The following TRPV4 variants were observed in gnomAD, a reference collection of about 807,000 sequenced individuals.
TRPV4 encodes OSM9-like transient receptor potential channel 4.
TRPV4 carries 58 observed loss-of-function variants against 84.1 expected under a neutral mutation model. The ratio of observed to expected loss-of-function variants is 0.69; its 90% CI spans 0.56 to 0.86. The LOEUF (loss-of-function observed/expected upper bound fraction) is 0.86, where lower values mean the gene tolerates loss of function less well. Among genes scored for constraint, TRPV4 ranks in the 40% least tolerant of loss-of-function variants. The pLI is 0.00. For synonymous variants in TRPV4, 489 were observed against 500.9 expected (o/e 0.98, Z 0.32); for missense variants, 879 against 1,181.1 (o/e 0.74, Z 3.75).
At position 109,814,467 on chromosome 12, in the gene TRPV4, G is replaced by T; in HGVS notation, c.330C>A (p.Tyr110Ter). ...KKAPMDSLFD[Y>*]GTYRHHSSDN... ...CACTGGAGTGGTGACGATAGGTGCC[G>T]TAGTCAAACAGTGAGTCCATGGGTG... is the stretch of plus-strand genomic sequence containing the variant. Residue 110 changes from tyrosine to a stop codon, truncating the protein, a stop_gained, in exon 2 of 16, where the codon TAC becomes TAA. Coordinates refer to ENST00000261740, the MANE Select transcript of TRPV4 (RefSeq NM_021625.5). LOFTEE classifies it high-confidence loss of function. The surrounding 1 kb of genome is among the most constrained non-coding windows in gnomAD (Gnocchi z 5.4). 1 of 1,614,138 alleles carries T rather than the reference G, an allele frequency of 6.2e-7. No individual in the cohort carries two copies. The highest frequency in any genetic ancestry group is 1.1e-5 in the South Asian group (1 of 91,076).
Position 109,786,700 on chromosome 12 carries a change from C to G in TRPV4, c.2336+10G>C, listed in dbSNP as rs746178717. Reference sequence around the variant, plus strand: ...GCCCTGCCATCCTGGCCCCACTGCCCCAGCCTCACCTGAAGCACCACCTGC... The same window carrying G: ...GCCCTGCCATCCTGGCCCCACTGCCGCAGCCTCACCTGAAGCACCACCTGC... On this transcript the variant is annotated intron_variant, in intron 14 of 15. Coordinates refer to ENST00000261740, the MANE Select transcript of TRPV4 (RefSeq NM_021625.5). The surrounding 1 kb of genome is among the most constrained non-coding windows in gnomAD (Gnocchi z 4.5). 1.9e-6 allele frequency: 3 copies of G among 1,613,556 alleles called. No homozygotes were observed. The highest frequency in any genetic ancestry group is 2.5e-6 in the Non-Finnish European group (3 of 1,180,000).
chr12:109,803,103 C>T lies in TRPV4; in HGVS notation c.600G>A (p.Leu200=). 1 of 1,614,176 alleles carries T rather than the reference C, an allele frequency of 6.2e-7. No individual in the cohort carries two copies. Among genetic ancestry groups the T allele is most frequent in the Non-Finnish European group, 8.5e-7 (1 of 1,180,040 alleles). ...TGTCGTTGCGGCCATTGCTCAGGTT[C>T]AGCAAGGCCTTGGGCAGGCAGGTCT... is the stretch of plus-strand genomic sequence containing the variant. ...TGKTCLPKAL[L]NLSNGRNDTI... Residue 200 remains leucine, a synonymous_variant, in exon 4 of 16, where the codon CTG becomes CTA. Coordinates refer to ENST00000261740, the MANE Select transcript of TRPV4 (RefSeq NM_021625.5).
intron 12 of TRPV4, 118 bp downstream of exon 12, chr12:109,792,242 TCAA>T: frequency 1.5e-6 from 1 of 648,390 alleles, no homozygotes; most frequent in Non-Finnish European, 2.4e-6. Flanking sequence ...AAACTCCACC[TCAA>T]AAAAAAAAAA....
intron 12 of TRPV4, among the ~76,000 whole-genome samples, chr12:109,792,115 A>C (rs912846202): frequency 1.3e-5 from 2 of 151,642 alleles, no homozygotes; most frequent in African/African-American, 4.8e-5. Flanking sequence ...GCGTGGTGGC[A>C]GGAGCCCGTA....
chr12:109,788,443 A>C lies in TRPV4; in HGVS notation c.2165T>G (p.Val722Gly). The C allele has an allele frequency of 6.2e-7, 1 of 1,614,220 alleles. No homozygotes were observed. The highest frequency in any genetic ancestry group is 8.5e-7 in the Non-Finnish European group (1 of 1,180,042). ...CTTGCTCTCCTTGGAGACCTGGCCC[A>C]CTGTCTCGCCCATGAGGGCAATGAG... ...NMLIALMGET[V>G]GQVSKESKHI... Residue 722 changes from valine to glycine, a missense_variant, in exon 13 of 16, where the codon GTG becomes GGG. This residue lies in a region of TRPV4 where 242 missense variants were observed against 355.3 expected (regional missense o/e 0.68). Transcript: ENST00000261740.
chr12:109,800,515 G>C, intron 5 of TRPV4, 103 bp downstream of exon 5: 1 of 1,457,752 alleles, frequency 6.9e-7, no homozygotes, highest in Non-Finnish European at 9.4e-7. Context: ...AGTGGCCCTG[G>C]GTGTCTGGGT....
chr12:109,823,615 G>C (rs1892170702), intron 1 of TRPV4, among the ~76,000 whole-genome samples: 1 of 152,226 alleles, frequency 6.6e-6, no homozygotes, highest in African/African-American at 2.4e-5. Context: ...CAAATCCACA[G>C]AGACAGAAAG....
chr12:109,808,519 C>A (rs1447370210), intron 2 of TRPV4, 51 bp from the exon 3 acceptor site: 3 of 1,568,024 alleles, frequency 1.9e-6, no homozygotes, highest in Non-Finnish European at 2.6e-6. Context: ...CCCTGCCTGC[C>A]CCACTGTCCC....
intron 1 of TRPV4, among the ~76,000 whole-genome samples, chr12:109,818,578 C>T (rs1479021215): frequency 6.6e-6 from 1 of 151,892 alleles, no homozygotes; most frequent in Non-Finnish European, 1.5e-5. Flanking sequence ...ATGATTACTG[C>T]CGCCCATTCT....
At position 109,792,828 on chromosome 12, in the gene TRPV4, G is replaced by A. The variant is rs1020641928; in HGVS notation, c.1659-11C>T. ...ACAGAGTAGATGAAGCTGCAGTGCA[G>A]CAGAGACCACAAGAGAGGCCAGAGG... On this transcript the variant is annotated splice_polypyrimidine_tract_variant and intron_variant, in intron 10 of 15. Transcript: ENST00000261740. 5.0e-6 allele frequency: 8 copies of A among 1,613,210 alleles called. No individual in the cohort carries two copies. The African/African-American group carries it at 5.3e-5, about 11-fold the overall frequency.
At chr12:109,787,923 G>A (rs533786674) in intron 13 of TRPV4, among the ~76,000 whole-genome samples, 59 of 152,298 alleles carry the variant, frequency 3.9e-4, no homozygotes, top group African/African-American at 1.4e-3. Context: ...GCAGCTCCCC[G>A]GGCCAAGGCG....
intron 4 of TRPV4, among the ~76,000 whole-genome samples, chr12:109,801,934 T>C (rs1211572010): frequency 6.6e-6 from 1 of 152,180 alleles, no homozygotes; most frequent in African/African-American, 2.4e-5. Flanking sequence ...TCCAGGCATC[T>C]GAAGGTCAAC....
intron 2 of TRPV4, among the ~76,000 whole-genome samples, chr12:109,810,327 G>T (rs560036474): frequency 3.7e-4 from 56 of 152,318 alleles, no homozygotes; most frequent in Non-Finnish European, 7.3e-4. Flanking sequence ...GAGGCACAGG[G>T]TCTGGGAGGG....
intron 5 of TRPV4, 47 bp downstream of exon 5, chr12:109,800,571 C>T (rs201196363): frequency 6.2e-7 from 1 of 1,610,870 alleles, no homozygotes; most frequent in African/African-American, 1.3e-5. Flanking sequence ...CTATCTCCCG[C>T]CATGCTTCTC....
chr12:109,816,788 C>G (rs560066188), intron 1 of TRPV4, among the ~76,000 whole-genome samples: 1 of 152,178 alleles, frequency 6.6e-6, no homozygotes, highest in African/African-American at 2.4e-5. Flanking sequence ...AAAATAAATA[C>G]CTCAGGTAAG....
rs1891239543 is a variant in TRPV4, at chr12:109,807,838, C to T, written c.559+458G>A. ...GAATCAGGACTACCAGCCCAGACACCTGCCCATCCCTCCAGACCTTCCCTC... is the reference window on the plus strand; with the variant it reads ...GAATCAGGACTACCAGCCCAGACACTTGCCCATCCCTCCAGACCTTCCCTC... On this transcript the variant is annotated intron_variant, in intron 3 of 15. Transcript: ENST00000261740. Among the ~76,000 whole-genome samples the T allele has an allele frequency of 2.0e-5, 3 of 152,134 alleles. No individual in the cohort carries two copies. In the South Asian group the frequency reaches 6.2e-4, roughly 32 times the overall value.
chr12:109,800,736 G>A lies in TRPV4; in HGVS notation c.735C>T (p.Ala245=), dbSNP rs753355269. ...YYRGQTALHI[A]IERRCKHYVE... ...CGTAGTGTTTGCAGCGACGCTCAAT[G>A]GCGATGTGCAGGGCTGTCTGACCTG... The change falls in exon 5 of 16, where the codon GCC becomes GCT. Residue 245 remains alanine (A), a synonymous_variant. Transcript: ENST00000261740. 1 of 1,614,010 alleles carries A rather than the reference G, an allele frequency of 6.2e-7. No homozygotes were observed. Among genetic ancestry groups the A allele is most frequent in the South Asian group, 1.1e-5 (1 of 91,086 alleles).
chr12:109,830,650 T>A (rs61002850), intron 1 of TRPV4, among the ~76,000 whole-genome samples: 6 of 152,168 alleles, frequency 3.9e-5, no homozygotes, highest in African/African-American at 1.4e-4. Context: ...AGCTGTTACC[T>A]GGGTCCCTAT....
intron 7 of TRPV4, 102 bp from the exon 8 acceptor site, chr12:109,794,589 GCTTTCTCTTTCCATCCATTCCTCAGC>G: frequency 7.9e-7 from 1 of 1,262,352 alleles, no homozygotes; most frequent in Non-Finnish European, 1.1e-6. Context: ...CCCGGACAGC[GCTTTCTCTTTCCATCCATTCCTCAGC>G]TGCATTCACG....
Sources: gnomAD v4.1 joint callset for allele counts (sites outside exome capture counted in the v4.1 genomes callset) on GRCh38, gnomAD v4.1.1 for gene constraint, gnomAD v4.1.1 regional missense constraint, Gnocchi (gnomAD v3.1) non-coding constraint, MANE v1.5 for transcripts, NCBI Gene and HGNC (gene_info 2026-07-23, HGNC 2026-07-21) for gene names.